The following ST7L variants were observed in gnomAD, a reference collection of about 807,000 sequenced individuals.
ST7L encodes the protein suppression of tumorigenicity 7 like.
A neutral mutation model predicts 72.5 loss-of-function variants in ST7L; 57 were observed. The observed-to-expected ratio is 0.79, with a 90% confidence interval of 0.64 to 0.98. The LOEUF is 0.98. Among genes scored for constraint, ST7L ranks in the 50% least tolerant of loss-of-function variants. The pLI, the probability that ST7L is intolerant of heterozygous loss-of-function variation, is 0.00. For missense variants in ST7L, 576 were observed against 672.2 expected (o/e 0.86, Z 1.58); for synonymous variants, 221 against 240.9 (o/e 0.92, Z 0.77).
chr1:112,573,752 CAT>C (rs754022973), intron 11 of ST7L, among the ~76,000 whole-genome samples: 3 of 151,262 alleles, frequency 2.0e-5, no homozygotes, highest in South Asian at 4.2e-4. Context: ...CAGGGCCAGG[CAT>C]ATGTTTGCTC....
chr1:112,584,006 G>A lies in ST7L; in HGVS notation c.822C>T (p.Cys274=). ...GETIYRQSQQ[C]QHQSPQHEAQ... ...CTTCATGCTGAGGACTTTGGTGCTG[G>A]CACTGCTGTGACTGCCTATAAATTG... Residue 274 remains cysteine, a synonymous_variant, in exon 7 of 15, where the codon TGC becomes TGT. Transcript: ENST00000358039. 6.2e-7 allele frequency: 1 copy of A among 1,614,088 alleles called. No individual in the cohort carries two copies.
chr1:112,589,100 T>C (rs1464819284), intron 6 of ST7L, among the ~76,000 whole-genome samples: 2 of 152,192 alleles, frequency 1.3e-5, no homozygotes, highest in African/African-American at 4.8e-5. Flanking sequence ...TCCTTTTAAT[T>C]ATTTCTTCCT....
At chr1:112,579,151 G>C (rs557301379) in intron 9 of ST7L, among the ~76,000 whole-genome samples, 38 of 152,250 alleles carry the variant, frequency 2.5e-4, no homozygotes, top group African/African-American at 9.1e-4. Flanking sequence ...TTGGGAGGCT[G>C]AGGTGGGTGG....
At chr1:112,522,648 A>G (rs762964035), downstream of ST7L, 1 of 152,224 alleles carries the variant, frequency 6.6e-6, no homozygotes, top group Admixed American at 6.5e-5. Context: ...GATAGGACTA[A>G]TATTTGTGTA....
intron 4 of ST7L, among the ~76,000 whole-genome samples, chr1:112,599,623 T>G (rs1438287742): frequency 6.6e-6 from 1 of 152,190 alleles, no homozygotes; most frequent in East Asian, 1.9e-4. Flanking sequence ...ATATAGTCCC[T>G]CTACTGTTGC....
At chr1:112,582,208 G>A (rs1664231211) in intron 8 of ST7L, 102 bp from the exon 9 acceptor site, 1 of 987,432 alleles carries the variant, frequency 1.0e-6, no homozygotes. Context: ...TACCATAGCT[G>A]TGAAGAAGAC....
intron 11 of ST7L, among the ~76,000 whole-genome samples, chr1:112,563,936 G>A (rs1660555375): frequency 6.6e-6 from 1 of 152,134 alleles, no homozygotes. Flanking sequence ...TAAAAGCAGA[G>A]GTTAAAGAAA....
At chr1:112,587,428 C>A (rs1237702538) in intron 6 of ST7L, among the ~76,000 whole-genome samples, 1 of 152,130 alleles carries the variant, frequency 6.6e-6, no homozygotes, top group East Asian at 1.9e-4. Flanking sequence ...ATGGTGAAAC[C>A]TTGTCTCTAC....
upstream of ST7L, chr1:112,619,585 C>CATT (rs145904439): frequency 7.4e-3 from 3,954 of 536,826 alleles, 122 homozygotes; most frequent in African/African-American, 0.067. Flanking sequence ...TGCCAGCGCC[C>CATT]ATTAGATGGA....
At chr1:112,595,759 C>A (rs1357401141) in intron 5 of ST7L, among the ~76,000 whole-genome samples, 1 of 152,086 alleles carries the variant, frequency 6.6e-6, no homozygotes, top group South Asian at 2.1e-4. Flanking sequence ...GGTATTAAAT[C>A]ATTTGATTTC....
chr1:112,526,141 C>A, intron 14 of ST7L, 30 bp from the exon 15 acceptor site: 1 of 1,613,790 alleles, frequency 6.2e-7, no homozygotes, highest in South Asian at 1.1e-5. Flanking sequence ...ACAAAATGTT[C>A]AAGCCCTGTA....
At chr1:112,578,985 C>T (rs1663611561) in intron 9 of ST7L, among the ~76,000 whole-genome samples, 1 of 152,116 alleles carries the variant, frequency 6.6e-6, no homozygotes, top group Non-Finnish European at 1.5e-5. Context: ...ACTTGTTTGA[C>T]CTCAGTTTTC....
intron 11 of ST7L, among the ~76,000 whole-genome samples, chr1:112,572,642 TGAG>T (rs1662332698): frequency 1.3e-5 from 2 of 151,838 alleles, no homozygotes; most frequent in Admixed American, 6.6e-5. Context: ...TTTGGGAGGC[TGAG>T]GAGGGAGGAT....
chr1:112,561,669 G>A (rs1660170843), intron 11 of ST7L, among the ~76,000 whole-genome samples: 1 of 151,774 alleles, frequency 6.6e-6, no homozygotes, highest in East Asian at 2.0e-4. Flanking sequence ...TAGTAGAGAT[G>A]GGGTTTCACC....
chr1:112,586,115 A>G (rs1664833078), intron 6 of ST7L, among the ~76,000 whole-genome samples: 1 of 152,212 alleles, frequency 6.6e-6, no homozygotes, highest in African/African-American at 2.4e-5. Flanking sequence ...GAAGCATTAG[A>G]TACACTGCTG....
intron 1 of ST7L, chr1:112,618,676 A>G: frequency 1.2e-6 from 1 of 829,284 alleles, no homozygotes; most frequent in Non-Finnish European, 1.8e-6. Context: ...TGGAAAAACG[A>G]GGACATAAGA....
chr1:112,581,373 T>C (rs995521678), intron 9 of ST7L, among the ~76,000 whole-genome samples: 1 of 151,060 alleles, frequency 6.6e-6, no homozygotes, highest in African/African-American at 2.4e-5. Flanking sequence ...GTAAATAAAC[T>C]GTAAATCCTA....
upstream of ST7L, chr1:112,619,571 A>T: frequency 1.9e-6 from 1 of 530,638 alleles, no homozygotes; most frequent in Non-Finnish European, 3.3e-6. Flanking sequence ...TAATCGAAAC[A>T]CGCTGCCAGC....
intron 11 of ST7L, among the ~76,000 whole-genome samples, chr1:112,574,637 C>G (rs746601891): frequency 1.3e-5 from 2 of 148,572 alleles, no homozygotes; most frequent in Non-Finnish European, 3.0e-5. Context: ...CCAGCCTGGG[C>G]GACAGAACAA....
Sources: gnomAD v4.1 joint callset for allele counts (sites outside exome capture counted in the v4.1 genomes callset) on GRCh38, gnomAD v4.1.1 for gene constraint, MANE v1.5 for transcripts, NCBI Gene and HGNC (gene_info 2026-07-23, HGNC 2026-07-21) for gene names.